Variants in PPHLN1 observed in about 807,000 individuals in gnomAD.
PPHLN1 encodes periphilin-1.
In PPHLN1, 29 loss-of-function variants were observed where a neutral mutation model predicts 51.3. That is an observed-to-expected ratio of 0.57 (90% CI 0.42 to 0.77). PPHLN1 has a LOEUF of 0.77. Among genes scored for constraint, PPHLN1 ranks in the 30% least tolerant of loss-of-function variants. PPHLN1 has a pLI of 0.00. For missense variants in PPHLN1, 436 were observed against 438.4 expected (o/e 0.99, Z 0.05); for synonymous variants, 147 against 147.8 (o/e 0.99, Z 0.04).
chr12:42,431,190 A>G (rs191737008), intron 9 of PPHLN1, among the ~76,000 whole-genome samples: 182 of 152,344 alleles, frequency 1.2e-3, no homozygotes, highest in African/African-American at 4.3e-3. Context: ...TTTAAAAAAC[A>G]TATTAAAACA....
At chr12:42,447,964 A>G (rs1183338009), downstream of PPHLN1, 1 of 152,238 alleles carries the variant, frequency 6.6e-6, no homozygotes, top group Non-Finnish European at 1.5e-5. Context: ...TAAATCCCAC[A>G]TAACAACTCT....
intron 9 of PPHLN1, among the ~76,000 whole-genome samples, chr12:42,425,589 A>T (rs148964985): frequency 6.9e-6 from 1 of 145,034 alleles, no homozygotes; most frequent in Admixed American, 6.9e-5. Flanking sequence ...AGGTTTCACC[A>T]TGTTGGCCAG....
At chr12:42,343,088 C>T (rs921639861) in intron 2 of PPHLN1, among the ~76,000 whole-genome samples, 1 of 152,120 alleles carries the variant, frequency 6.6e-6, no homozygotes, top group Non-Finnish European at 1.5e-5. Flanking sequence ...AACCATAATC[C>T]AGACATTTTT....
intron 5 of PPHLN1, among the ~76,000 whole-genome samples, chr12:42,380,358 T>C (rs908117084): frequency 6.6e-6 from 1 of 152,094 alleles, no homozygotes; most frequent in Non-Finnish European, 1.5e-5. Flanking sequence ...GCTTCCCTTA[T>C]TTTTCTTACG....
intron 1 of PPHLN1, among the ~76,000 whole-genome samples, chr12:42,334,984 C>G (rs1218003060): frequency 1.3e-5 from 2 of 152,164 alleles, no homozygotes. Context: ...TTTGTCTGAT[C>G]TTTTGAAGAA....
At chr12:42,412,674 T>G (rs955642898) in intron 9 of PPHLN1, among the ~76,000 whole-genome samples, 1 of 152,216 alleles carries the variant, frequency 6.6e-6, no homozygotes, top group African/African-American at 2.4e-5. Context: ...GGATGGTAGA[T>G]CTACTTTTAA....
At chr12:42,345,512 C>G in intron 2 of PPHLN1, among the ~76,000 whole-genome samples, 1 of 151,550 alleles carries the variant, frequency 6.6e-6, no homozygotes. Context: ...TTTGGAGTAG[C>G]AAATCCAATA....
At chr12:42,350,481 G>C (rs1264110768) in intron 2 of PPHLN1, among the ~76,000 whole-genome samples, 1 of 150,236 alleles carries the variant, frequency 6.7e-6, no homozygotes, top group Non-Finnish European at 1.5e-5. Flanking sequence ...ACTTCCCAGA[G>C]TGGGCGACTG....
intron 4 of PPHLN1, among the ~76,000 whole-genome samples, chr12:42,370,116 A>G (rs1206428598): frequency 1.3e-5 from 2 of 152,214 alleles, no homozygotes; most frequent in Non-Finnish European, 1.5e-5. Flanking sequence ...CAGCCCTTAC[A>G]TGCTAGTGAG....
Position 42,384,935 on chromosome 12 carries a change from C to T in PPHLN1, c.512-5C>T. The T allele has an allele frequency of 6.2e-7, 1 of 1,606,564 alleles. No individual in the cohort carries two copies. Among genetic ancestry groups the T allele is most frequent in the Non-Finnish European group, 8.5e-7 (1 of 1,173,102 alleles). ...GTTAATTCCTCCCTGCCCACCTTTC[C>T]ATAGAGTCCGTGCGTCCTGGTGCCT... On this transcript the variant is annotated splice_polypyrimidine_tract_variant and splice_region_variant and intron_variant, in intron 5 of 9. Transcript: ENST00000358314.
intron 4 of PPHLN1, among the ~76,000 whole-genome samples, chr12:42,360,106 A>G (rs988856590): frequency 5.1e-5 from 6 of 117,156 alleles, no homozygotes; most frequent in African/African-American, 1.7e-4. Flanking sequence ...GCAAGACTCC[A>G]TCTCAAAAAA....
chr12:42,345,774 A>AT, intron 2 of PPHLN1, among the ~76,000 whole-genome samples: 1 of 151,934 alleles, frequency 6.6e-6, no homozygotes, highest in East Asian at 1.9e-4. Context: ...CAATGAGTTT[A>AT]TTTTTTGATT....
At chr12:42,387,308 A>T (rs1237755684) in intron 6 of PPHLN1, 148 bp from the exon 7 acceptor site, 4 of 785,044 alleles carry the variant, frequency 5.1e-6, no homozygotes, top group Non-Finnish European at 7.5e-6. Flanking sequence ...AGGTAGTTTT[A>T]GATATTAACC....
chr12:42,390,818 G>GTTT (rs34282980), intron 7 of PPHLN1, among the ~76,000 whole-genome samples: 1,311 of 118,554 alleles, frequency 0.011, 50 homozygotes, highest in African/African-American at 0.038. Flanking sequence ...AGACCGTGAA[G>GTTT]TTTTTTTTTT....
intron 7 of PPHLN1, among the ~76,000 whole-genome samples, chr12:42,392,648 A>G (rs1420431465): frequency 6.6e-6 from 1 of 152,228 alleles, no homozygotes; most frequent in African/African-American, 2.4e-5. Flanking sequence ...GACAATTCAT[A>G]TCTTATTTAC....
At chr12:42,349,388 TG>T (rs1344516739) in intron 2 of PPHLN1, among the ~76,000 whole-genome samples, 4 of 93,730 alleles carry the variant, frequency 4.3e-5, no homozygotes, top group Non-Finnish European at 8.3e-5. Flanking sequence ...CTTTATATTT[TG>T]TAAGTTTTGT....
intron 2 of PPHLN1, chr12:42,351,258 C>G (rs986702098): frequency 1.3e-5 from 2 of 152,132 alleles, no homozygotes; most frequent in Non-Finnish European, 2.9e-5. Context: ...CTCCCTGCGT[C>G]CAATTCCCCA....
intron 2 of PPHLN1, among the ~76,000 whole-genome samples, chr12:42,342,989 A>G (rs2071716177): frequency 2.0e-5 from 3 of 152,330 alleles, no homozygotes; most frequent in Admixed American, 2.0e-4. Flanking sequence ...TAGTAAATCC[A>G]GAACATGATT....
chr12:42,358,259 C>T (rs1433629554), intron 4 of PPHLN1, among the ~76,000 whole-genome samples: 1 of 152,032 alleles, frequency 6.6e-6, no homozygotes, highest in Non-Finnish European at 1.5e-5. Flanking sequence ...ATGTATATAA[C>T]ATTTTACATA....
Sources: allele counts gnomAD v4.1 joint callset (sites outside exome capture counted in the v4.1 genomes callset), GRCh38; gene constraint gnomAD v4.1.1; transcripts MANE v1.5; gene names NCBI Gene and HGNC (gene_info 2026-07-23, HGNC 2026-07-21).